The following TRIM33 variants were observed in gnomAD, a reference collection of about 807,000 sequenced individuals.
TRIM33 encodes tripartite motif containing 33.
TRIM33 carries 20 observed loss-of-function variants against 125.4 expected under a neutral mutation model. The observed-to-expected ratio is 0.16, with a 90% CI of 0.11 to 0.23. The LOEUF (loss-of-function observed/expected upper bound fraction) is 0.23. Ranked by LOEUF, TRIM33 falls within the 10% of genes least tolerant of loss-of-function variation. The pLI, the probability that TRIM33 is intolerant of heterozygous loss-of-function variation, is 1.00. For missense variants in TRIM33, 920 were observed against 1,411.4 expected (o/e 0.65, Z 5.58); for synonymous variants, 564 against 513.9 (o/e 1.10, Z -1.32).
rs537221971 is a variant in TRIM33, at chr1:114,427,316, A to G, written c.1303-22T>C. 28 of 1,229,608 alleles carry G rather than the reference A, an allele frequency of 2.3e-5. No individual in the cohort carries two copies. In the African/African-American group the frequency reaches 3.6e-4, roughly 16 times the overall value. The allele number at this position is 1,229,608 out of a possible 1,614,324, so 76.2% of individuals were successfully genotyped here. ...TAATCTTAAAGGGAAAAAAATCCAC[A>G]TTAGTCTCAAAATTAAATATCAATT... is the stretch of plus-strand genomic sequence containing the variant. On this transcript the variant is annotated intron_variant, in intron 7 of 19. Coordinates refer to ENST00000358465, the MANE Select transcript of TRIM33 (RefSeq NM_015906.4).
chr1:114,446,221 G>C (rs79701495), intron 4 of TRIM33, among the ~76,000 whole-genome samples: 4,132 of 152,220 alleles, frequency 0.027, 133 homozygotes, highest in African/African-American at 0.073. Flanking sequence ...TGCAAAACAA[G>C]AAATGCTGGA....
intron 4 of TRIM33, among the ~76,000 whole-genome samples, chr1:114,455,035 A>G (rs775640927): frequency 1.1e-4 from 16 of 152,304 alleles, no homozygotes; most frequent in South Asian, 2.1e-4. Context: ...TGATTGACTT[A>G]GAGGCACAGG....
intron 4 of TRIM33, among the ~76,000 whole-genome samples, chr1:114,455,828 C>A (rs1344239314): frequency 6.6e-6 from 1 of 152,112 alleles, no homozygotes; most frequent in Non-Finnish European, 1.5e-5. Flanking sequence ...GCAACCTGAC[C>A]TCAAATTGCC....
rs145549785 is a variant in TRIM33 at position 114,469,051 on chromosome 1, G to A, written c.527-4663C>T. On this transcript the variant is annotated intron_variant, in intron 1 of 19. Coordinates refer to ENST00000358465, the MANE Select transcript of TRIM33 (RefSeq NM_015906.4). ...ACTGGGTACAAGTGGTTCTATAGAT[G>A]GTAATAACCAATTTGTAATCAAAGA... 1,073 of 240,352 alleles carry A rather than the reference G, an allele frequency of 4.5e-3. 5 individuals are homozygous for A. Among genetic ancestry groups the A allele is most frequent in the African/African-American group, 0.014 (597 of 42,390 alleles). The allele number at this position is 240,352 out of a possible 1,614,324, so 14.9% of individuals were successfully genotyped here.
At chr1:114,477,831 C>A (rs540956529) in intron 1 of TRIM33, among the ~76,000 whole-genome samples, 1 of 152,254 alleles carries the variant, frequency 6.6e-6, no homozygotes, top group East Asian at 1.9e-4. Context: ...AATTAAATCA[C>A]CACCAGTGAC....
At chr1:114,425,397 A>G in intron 9 of TRIM33, 52 bp downstream of exon 9, 1 of 1,582,070 alleles carries the variant, frequency 6.3e-7, no homozygotes, top group Non-Finnish European at 8.6e-7. Flanking sequence ...GAAAAAGTGT[A>G]GTGTTGAGGG....
intron 1 of TRIM33, among the ~76,000 whole-genome samples, chr1:114,477,956 C>A (rs776100211): frequency 6.6e-6 from 1 of 151,640 alleles, no homozygotes; most frequent in Non-Finnish European, 1.5e-5. Context: ...AATGAAGGTA[C>A]AAAAAAAATT....
rs573513218 is a variant in TRIM33 at position 114,463,056 on chromosome 1, C to A, written c.923+48G>T. On this transcript the variant is annotated intron_variant, in intron 4 of 19. Transcript: ENST00000358465. Reference sequence around the variant, plus strand: ...TGCTTTAAGAAGAAGAATGACTTTACAAGCACTTTTTATAGTATTTCCTGG... The same window carrying A: ...TGCTTTAAGAAGAAGAATGACTTTAAAAGCACTTTTTATAGTATTTCCTGG... 2.0e-6 allele frequency: 3 copies of A among 1,463,792 alleles called. No homozygotes were observed. The South Asian group carries it at 4.4e-5, about 22-fold the overall frequency. The allele number at this position is 1,463,792 out of a possible 1,614,324, so 90.7% of individuals were successfully genotyped here.
Position 114,510,861 on chromosome 1 carries a change from C to G in TRIM33, c.216G>C (p.Ser72=). 1 of 1,469,610 alleles carries G rather than the reference C, an allele frequency of 6.8e-7. No individual in the cohort carries two copies. The highest frequency in any genetic ancestry group is 9.0e-7 in the Non-Finnish European group (1 of 1,117,316). The allele number at this position is 1,469,610 out of a possible 1,614,324, so 91.0% of individuals were successfully genotyped here. The change falls in exon 1 of 20, where the codon TCG becomes TCC. Residue 72 remains serine, a synonymous_variant. Transcript: ENST00000358465. ...GAGATGAAGCAGCCTGGGCCGAGCC[C>G]GAGGAGGCCGCGGCCACCCCCCCGT... is the stretch of plus-strand genomic sequence containing the variant. ...PDDGGVAAAS[S]GSAQAASSPA...
chr1:114,492,835 A>T (rs981239416), intron 1 of TRIM33, among the ~76,000 whole-genome samples: 1 of 152,102 alleles, frequency 6.6e-6, no homozygotes, highest in Non-Finnish European at 1.5e-5. Flanking sequence ...CATTATTTCC[A>T]CCTTTTGGCT....
chr1:114,448,356 A>G (rs1316999016), intron 4 of TRIM33, among the ~76,000 whole-genome samples: 1 of 152,218 alleles, frequency 6.6e-6, no homozygotes, highest in Non-Finnish European at 1.5e-5. Flanking sequence ...TTGGAAGCAA[A>G]TGCCAGTATT....
intron 1 of TRIM33, among the ~76,000 whole-genome samples, chr1:114,500,755 AAG>A (rs1470546068): frequency 6.6e-6 from 1 of 152,132 alleles, no homozygotes; most frequent in Non-Finnish European, 1.5e-5. Context: ...GCAAAAAAAA[AAG>A]GAGGAAAAAC....
intron 4 of TRIM33, among the ~76,000 whole-genome samples, chr1:114,434,553 A>G (rs1648162366): frequency 1.3e-5 from 2 of 152,340 alleles, no homozygotes; most frequent in East Asian, 1.9e-4. Context: ...ATAGACTCTA[A>G]TAACATTTCT....
chr1:114,502,029 C>T (rs1005150989), intron 1 of TRIM33, among the ~76,000 whole-genome samples: 4 of 152,122 alleles, frequency 2.6e-5, no homozygotes, highest in African/African-American at 9.7e-5. Flanking sequence ...ATCTACCATC[C>T]TGAGCCCAAT....
At chr1:114,442,267 T>C (rs1209599477) in intron 4 of TRIM33, among the ~76,000 whole-genome samples, 2 of 152,204 alleles carry the variant, frequency 1.3e-5, no homozygotes, top group African/African-American at 4.8e-5. Context: ...TATGCTTGGA[T>C]AGGAAATCTT....
intron 15 of TRIM33, among the ~76,000 whole-genome samples, chr1:114,403,600 C>G (rs1276154523): frequency 6.6e-6 from 1 of 151,960 alleles, no homozygotes; most frequent in Non-Finnish European, 1.5e-5. Context: ...CACAGTGGCA[C>G]GATCCTGGCT....
At chr1:114,478,340 C>T (rs1025789958) in intron 1 of TRIM33, among the ~76,000 whole-genome samples, 3 of 152,176 alleles carry the variant, frequency 2.0e-5, no homozygotes, top group Middle Eastern at 3.4e-3. Flanking sequence ...TGAGATTTGC[C>T]AGGTATAAAT....
intron 13 of TRIM33, among the ~76,000 whole-genome samples, chr1:114,408,052 C>T (rs571278582): frequency 1.8e-4 from 27 of 152,134 alleles, no homozygotes; most frequent in Non-Finnish European, 3.1e-4. Context: ...TATGCCACCA[C>T]TACACTACCA....
At chr1:114,446,655 A>G (rs775889531) in intron 4 of TRIM33, among the ~76,000 whole-genome samples, 35 of 152,202 alleles carry the variant, frequency 2.3e-4, no homozygotes, top group Non-Finnish European at 4.7e-4. Context: ...AGACAACAAA[A>G]GAACAAAACA....
Sources: allele counts gnomAD v4.1 joint callset (sites outside exome capture counted in the v4.1 genomes callset), GRCh38; gene constraint gnomAD v4.1.1; transcripts MANE v1.5; gene names NCBI Gene and HGNC (gene_info 2026-07-23, HGNC 2026-07-21).